Variants in KANK4 observed in about 807,000 individuals in gnomAD.
KANK4 encodes the protein KN motif and ankyrin repeat domains 4.
In KANK4, 50 loss-of-function variants were observed where a neutral mutation model predicts 80.8. The observed-to-expected ratio is 0.62, with a 90% confidence interval of 0.49 to 0.78. KANK4 has a LOEUF of 0.78. KANK4 is among the 30% of genes least tolerant of loss of function. KANK4 has a pLI of 0.00. For synonymous variants in KANK4, 465 were observed against 506.9 expected, an observed-to-expected ratio of 0.92 and a Z score of 1.11; for missense variants, 1,196 against 1,240.1, an observed-to-expected ratio of 0.96 and a Z score of 0.53.
At chr1:62,248,802 C>T (rs1399899858) in intron 8 of KANK4, among the ~76,000 whole-genome samples, 3 of 148,628 alleles carry the variant, frequency 2.0e-5, no homozygotes, top group Non-Finnish European at 4.5e-5. Context: ...GCCTTGGCCT[C>T]CCAATGTGCT....
chr1:62,254,704 T>G (rs756785505), intron 7 of KANK4, among the ~76,000 whole-genome samples: 1 of 147,364 alleles, frequency 6.8e-6, no homozygotes, highest in African/African-American at 2.5e-5. Flanking sequence ...CAGGCGTGCA[T>G]CACCACGCTC....
chr1:62,273,648 C>T lies in KANK4; in HGVS notation c.1456G>A (p.Val486Ile), dbSNP rs1206145360. 1.2e-6 allele frequency: 2 copies of T among 1,614,158 alleles called. No homozygotes were observed. The highest frequency in any genetic ancestry group is 1.3e-5 in the African/African-American group (1 of 75,038). ...AAGCTATGTACAGAGGAGGTAAGGA[C>T]CTGCTCGGGTCCCTGTGGCAGTGAC... ...QLSLPQGPEQVLTSSVHSFLS... is the reference protein window; with the variant it reads ...QLSLPQGPEQILTSSVHSFLS... Residue 486 changes from valine to isoleucine, a missense_variant, in exon 3 of 10, where the codon GTC becomes ATC. This residue lies in a region of KANK4 where 1,154 missense variants were observed against 1,179.6 expected (regional missense o/e 0.98). Transcript: ENST00000371153.
rs1011051714 is a variant in KANK4 at position 62,237,094 on chromosome 1, C to T, written c.*1183G>A. ...GCTTTTGAGTTTCCAATGTAAAGCT[C>T]ATCAAACTTTGACATTACTTCTTTT... On this transcript the variant is annotated 3_prime_UTR_variant, in exon 10 of 10. Coordinates refer to ENST00000371153, the MANE Select transcript of KANK4 (RefSeq NM_181712.5). The T allele has an allele frequency of 6.7e-6, 1 of 148,316 alleles. No individual in the cohort carries two copies. The highest frequency in any genetic ancestry group is 1.5e-5 in the Non-Finnish European group (1 of 67,210). 9.2% of individuals were successfully genotyped at this position (148,316 alleles called of 1,614,324 possible). A position where few individuals can be genotyped will look rare whatever the true frequency, so the allele number is the denominator to read the frequency against.
At chr1:62,310,676 G>A (rs906012356) in intron 1 of KANK4, among the ~76,000 whole-genome samples, 22 of 152,174 alleles carry the variant, frequency 1.4e-4, no homozygotes, top group African/African-American at 5.3e-4. Context: ...CCAGAGCCAG[G>A]TACTATGATG....
In KANK4 at chr1:62,263,119, A is replaced by G. The variant is rs1164831433; in HGVS notation, c.2512T>C (p.Ser838Pro). The G allele has an allele frequency of 6.2e-6, 10 of 1,613,256 alleles. No individual in the cohort carries two copies. The South Asian group carries it at 1.1e-4, about 18-fold the overall frequency. ...LHYSVSHSNFSIVKLLLETGV... is the reference protein window; with the variant it reads ...LHYSVSHSNFPIVKLLLETGV... ...GTCTCCAGCAGCAGCTTCACGATGG[A>G]GAAGTTGGAGTGGGACACGCTGTAG... Residue 838 changes from serine to proline, a missense_variant, in exon 7 of 10, where the codon TCC (serine) becomes CCC (proline). Physicochemically the swap from Ser to Pro is moderately conservative, Grantham distance 74. Transcript: ENST00000371153.
chr1:62,274,703 G>T lies in KANK4; in HGVS notation c.401C>A (p.Ala134Glu), dbSNP rs1037927239. The change falls in exon 3 of 10, where the codon GCA (alanine) becomes GAA (glutamate). Residue 134 changes from alanine to glutamate, a missense_variant. By Grantham distance (107) the Ala-to-Glu change is moderately radical. Around this residue, in one of 3 missense-constraint regions of KANK4, gnomAD observed 1,154 missense variants for 1,179.6 expected, o/e 0.98. Transcript: ENST00000371153. ...EVSYHRKALL[A>E]EATRQLEAAE... Reference sequence around the variant, plus strand: ...AGCTTCCAACTGTCTGGTGGCCTCTGCCAACAGAGCCTTCCTGTGGTAGCT... The same window carrying T: ...AGCTTCCAACTGTCTGGTGGCCTCTTCCAACAGAGCCTTCCTGTGGTAGCT... 1.2e-6 allele frequency: 2 copies of T among 1,614,234 alleles called. No homozygotes were observed. The highest frequency in any genetic ancestry group is 2.2e-5 in the East Asian group (1 of 44,878).
intron 8 of KANK4, among the ~76,000 whole-genome samples, chr1:62,249,696 T>C (rs372488202): frequency 2.3e-4 from 35 of 150,676 alleles, no homozygotes; most frequent in East Asian, 1.2e-3. Context: ...GCGCCCACCA[T>C]TACGCCAGGC....
At chr1:62,271,891 T>G (rs978013922) in intron 3 of KANK4, 3 of 330,012 alleles carry the variant, frequency 9.1e-6, no homozygotes, top group African/African-American at 2.1e-5. Flanking sequence ...CCAGACTTGC[T>G]CAGTGAATGG....
rs1049564971 is a variant in KANK4, at chr1:62,268,604, C to T, written c.2013-99G>A. ...GTGGGCCTCGGGTAACACTCCGCAG[C>T]TTGCTAATCTCCTCCCCCACTCTCT... On this transcript the variant is annotated intron_variant, in intron 4 of 9. Coordinates refer to ENST00000371153, the MANE Select transcript of KANK4 (RefSeq NM_181712.5). 1.5e-5 allele frequency: 13 copies of T among 884,024 alleles called. No homozygotes were observed. In the African/African-American group the frequency reaches 2.1e-4, roughly 15 times the overall value. The allele number at this position is 884,024 out of a possible 1,614,324, so 54.8% of individuals were successfully genotyped here. A position where few individuals can be genotyped will look rare whatever the true frequency, so the allele number is the denominator to read the frequency against.
At chr1:62,282,831 T>C (rs1672480517) in intron 1 of KANK4, among the ~76,000 whole-genome samples, 1 of 152,178 alleles carries the variant, frequency 6.6e-6, no homozygotes, top group Non-Finnish European at 1.5e-5. Context: ...GAGACAATCC[T>C]TGCAGAAGGA....
At chr1:62,294,502 G>A (rs997612860) in intron 1 of KANK4, among the ~76,000 whole-genome samples, 1 of 152,226 alleles carries the variant, frequency 6.6e-6, no homozygotes, top group African/African-American at 2.4e-5. Context: ...CGAGTTGCAG[G>A]TGCAGACAGT....
chr1:62,304,816 AT>A (rs1644438405), intron 1 of KANK4, among the ~76,000 whole-genome samples: 1 of 152,044 alleles, frequency 6.6e-6, no homozygotes, highest in South Asian at 2.1e-4. Context: ...GGAAATCCAG[AT>A]CCTAACTCAG....
chr1:62,244,051 A>G (rs1671408815), intron 9 of KANK4, among the ~76,000 whole-genome samples: 1 of 151,874 alleles, frequency 6.6e-6, no homozygotes, highest in Non-Finnish European at 1.5e-5. Flanking sequence ...TTCAGCCTTT[A>G]TAAACATTAC....
At chr1:62,255,070 A>C (rs1273269150) in intron 7 of KANK4, among the ~76,000 whole-genome samples, 3 of 151,256 alleles carry the variant, frequency 2.0e-5, no homozygotes, top group East Asian at 3.9e-4. Context: ...ATTTTTTAGT[A>C]GAGACCGGGT....
intron 9 of KANK4, among the ~76,000 whole-genome samples, chr1:62,245,857 C>G (rs1671452483): frequency 6.6e-6 from 1 of 152,100 alleles, no homozygotes; most frequent in African/African-American, 2.4e-5. Context: ...GGGGTTCACT[C>G]ATTCATTTGT....
intron 7 of KANK4, among the ~76,000 whole-genome samples, chr1:62,254,946 C>T (rs1165334291): frequency 5.2e-5 from 7 of 134,534 alleles, no homozygotes; most frequent in East Asian, 4.4e-4. Context: ...AGTGCAGTGG[C>T]GCGATCTTGG....
rs60189668 is a variant in KANK4 at position 62,269,493 on chromosome 1, C to T, written c.2013-988G>A. Reference sequence around the variant, plus strand: ...TGTCTCACTTAAACCCCAGACATTTCTTCCTCTATTATGTATGGAACAGCC... The same window carrying T: ...TGTCTCACTTAAACCCCAGACATTTTTTCCTCTATTATGTATGGAACAGCC... On this transcript the variant is annotated intron_variant, in intron 4 of 9. Coordinates refer to ENST00000371153, the MANE Select transcript of KANK4 (RefSeq NM_181712.5). 2.8e-3 allele frequency among the ~76,000 whole-genome samples: 431 copies of T among 152,334 alleles called. 3 individuals are homozygous for T. The highest frequency in any genetic ancestry group is 0.01 in the African/African-American group (418 of 41,582).
Position 62,274,838 on chromosome 1 carries a change from T to C in KANK4, c.266A>G (p.Gln89Arg). The C allele has an allele frequency of 6.2e-7, 1 of 1,613,948 alleles. No individual in the cohort carries two copies. Among genetic ancestry groups the C allele is most frequent in the Non-Finnish European group, 8.5e-7 (1 of 1,179,960 alleles). The change falls in exon 3 of 10, where the codon CAA becomes CGA. Residue 89 changes from glutamine to arginine, a missense_variant. Gln to Arg is a conservative substitution (Grantham distance 43). This residue lies in a region of KANK4 where 1,154 missense variants were observed against 1,179.6 expected (regional missense o/e 0.98). Coordinates refer to ENST00000371153, the MANE Select transcript of KANK4 (RefSeq NM_181712.5). ...GARPPAAPPL[Q>R]NWSPVVPREA... ...CCTTGGCACCACGGGAGACCAGTTT[T>C]GGAGGGGCGGGGCTGCAGGGGGGCG... is the stretch of plus-strand genomic sequence containing the variant.
In KANK4 at chr1:62,238,119, T is replaced by C; in HGVS notation, c.*158A>G. The C allele has an allele frequency of 1.8e-6, 1 of 563,378 alleles. No individual in the cohort carries two copies. The highest frequency in any genetic ancestry group is 3.2e-6 in the Non-Finnish European group (1 of 311,818). The allele number at this position is 563,378 out of a possible 1,614,324, so 34.9% of individuals were successfully genotyped here. On this transcript the variant is annotated 3_prime_UTR_variant, in exon 10 of 10. Coordinates refer to ENST00000371153, the MANE Select transcript of KANK4 (RefSeq NM_181712.5). ...AGGCAAAAACTACAAAGCATCCTAA[T>C]GAGCAGAATTATACAACAGGAATGT... is the stretch of plus-strand genomic sequence containing the variant.
Sources: allele counts gnomAD v4.1 joint callset (sites outside exome capture counted in the v4.1 genomes callset), GRCh38; gene constraint gnomAD v4.1.1; regional missense constraint gnomAD v4.1.1; transcripts MANE v1.5; gene names NCBI Gene and HGNC (gene_info 2026-07-23, HGNC 2026-07-21).